Variants in JAM2 observed in about 807,000 individuals in gnomAD.
The protein encoded by JAM2 is junctional adhesion molecule 2.
A neutral mutation model predicts 42.0 loss-of-function variants in JAM2; 17 were observed. That is an observed-to-expected ratio of 0.40 (90% CI 0.28 to 0.61). The LOEUF is 0.61. Among genes scored for constraint, JAM2 ranks in the 20% least tolerant of loss-of-function variants. The probability of loss-of-function intolerance (pLI) is 0.37; values close to 1 mark genes in which losing one functional copy is unlikely to be tolerated. For synonymous variants in JAM2, 118 were observed against 128.6 expected, an observed-to-expected ratio of 0.92 and a Z score of 0.56; for missense variants, 319 against 358.3, an observed-to-expected ratio of 0.89 and a Z score of 0.89.
chr21:25,686,719 AG>A, intron 2 of JAM2, among the ~76,000 whole-genome samples: 1 of 152,328 alleles, frequency 6.6e-6, no homozygotes, highest in Admixed American at 6.5e-5. Flanking sequence ...GCTAAGTCAG[AG>A]CTATTTTGGT....
intron 1 of JAM2, among the ~76,000 whole-genome samples, chr21:25,649,880 A>G (rs1384069366): frequency 6.6e-6 from 1 of 152,218 alleles, no homozygotes; most frequent in East Asian, 1.9e-4. Context: ...CCCTCATGCT[A>G]CATTAAAGCA....
chr21:25,652,674 G>T, intron 1 of JAM2, among the ~76,000 whole-genome samples: 1 of 152,266 alleles, frequency 6.6e-6, no homozygotes, highest in Middle Eastern at 3.4e-3. Context: ...AGAAAAAAGA[G>T]ATATATGTAT....
chr21:25,710,419 G>A (rs2034359641), intron 8 of JAM2, among the ~76,000 whole-genome samples: 1 of 152,048 alleles, frequency 6.6e-6, no homozygotes, highest in Non-Finnish European at 1.5e-5. Flanking sequence ...GGGCCATTAT[G>A]GAGAAAAATA....
chr21:25,661,985 A>C (rs1057273966), intron 1 of JAM2, among the ~76,000 whole-genome samples: 2 of 152,192 alleles, frequency 1.3e-5, no homozygotes, highest in Admixed American at 1.3e-4. Flanking sequence ...GTTTCATTAA[A>C]ATCTATTTAA....
At chr21:25,665,007 C>T (rs11087970) in intron 1 of JAM2, among the ~76,000 whole-genome samples, 19,547 of 152,194 alleles carry the variant, frequency 0.13, 2,757 homozygotes, top group African/African-American at 0.35. Flanking sequence ...TCATAAAATG[C>T]TACTTAATTT....
At chr21:25,652,071 A>T (rs2032798454) in intron 1 of JAM2, among the ~76,000 whole-genome samples, 1 of 152,214 alleles carries the variant, frequency 6.6e-6, no homozygotes, top group South Asian at 2.1e-4. Flanking sequence ...TTCCCTAAAA[A>T]TGGAAAACAA....
Position 25,712,339 on chromosome 21 carries a change from G to A in JAM2, c.822-1G>A. ...TATTGTCTTTTATATTCCACAAACAGGAAGAGTAATTCTTCATCTAAAGCC... is the reference window on the plus strand; with the variant it reads ...TATTGTCTTTTATATTCCACAAACAAGAAGAGTAATTCTTCATCTAAAGCC... On this transcript the variant is annotated splice_acceptor_variant, in intron 8 of 9. Coordinates refer to ENST00000480456, the MANE Select transcript of JAM2 (RefSeq NM_021219.4). LOFTEE classifies it high-confidence loss of function. 6.3e-7 allele frequency: 1 copy of A among 1,584,162 alleles called. No individual in the cohort carries two copies. Among genetic ancestry groups the A allele is most frequent in the Non-Finnish European group, 8.7e-7 (1 of 1,153,894 alleles).
intron 4 of JAM2, among the ~76,000 whole-genome samples, chr21:25,696,673 C>A (rs2034043345): frequency 6.6e-6 from 1 of 152,052 alleles, no homozygotes; most frequent in Non-Finnish European, 1.5e-5. Flanking sequence ...CATCCACAGG[C>A]TACGAGGAAA....
At chr21:25,670,192 A>T (rs1421972973) in intron 1 of JAM2, among the ~76,000 whole-genome samples, 1 of 152,154 alleles carries the variant, frequency 6.6e-6, no homozygotes, top group Non-Finnish European at 1.5e-5. Flanking sequence ...AGTTTCAAAA[A>T]TTTGACCTTG....
intron 1 of JAM2, among the ~76,000 whole-genome samples, chr21:25,655,195 A>G (rs1483054488): frequency 2.0e-5 from 3 of 152,108 alleles, no homozygotes; most frequent in Non-Finnish European, 4.4e-5. Flanking sequence ...TAAACATGAT[A>G]AAATCTTTAT....
intron 1 of JAM2, chr21:25,643,940 G>A (rs1432118775): frequency 6.6e-6 from 1 of 152,148 alleles, no homozygotes; most frequent in Non-Finnish European, 1.5e-5. Context: ...AGAGGTAAGA[G>A]CTGCTAGCTT....
At chr21:25,707,540 G>C (rs73335976) in intron 7 of JAM2, among the ~76,000 whole-genome samples, 1,997 of 152,300 alleles carry the variant, frequency 0.013, 49 homozygotes, top group African/African-American at 0.045. Context: ...TTGTATTTAT[G>C]AGAGCTACTT....
chr21:25,675,163 A>G (rs2033453982), intron 1 of JAM2, among the ~76,000 whole-genome samples: 1 of 152,084 alleles, frequency 6.6e-6, no homozygotes, highest in African/African-American at 2.4e-5. Flanking sequence ...GGCATCTCAC[A>G]TGGTGTGAGC....
chr21:25,660,878 T>C (rs1259756455), intron 1 of JAM2, among the ~76,000 whole-genome samples: 1 of 129,674 alleles, frequency 7.7e-6, no homozygotes, highest in Non-Finnish European at 1.6e-5. Flanking sequence ...CACTGCAACC[T>C]CCACCTCCTG....
At chr21:25,640,021 G>A (rs1817891007) in intron 1 of JAM2, 133 bp downstream of exon 1, 5 of 576,462 alleles carry the variant, frequency 8.7e-6, no homozygotes, top group Non-Finnish European at 1.4e-5. Flanking sequence ...CTGACCTTGC[G>A]CCCAGGCGAG....
In JAM2 at chr21:25,677,115, A is replaced by G. The variant is rs945090678; in HGVS notation, c.68-6768A>G. 1.4e-4 allele frequency among the ~76,000 whole-genome samples: 21 copies of G among 152,180 alleles called. 1 individual carries two copies. Among genetic ancestry groups the G allele is most frequent in the Non-Finnish European group, 2.8e-4 (19 of 68,034 alleles). Reference sequence around the variant, plus strand: ...TACAATGTATGTTTGGATGACGGCTACACTAAAAGCCCAGACTTCACCACT... The same window carrying G: ...TACAATGTATGTTTGGATGACGGCTGCACTAAAAGCCCAGACTTCACCACT... On this transcript the variant is annotated intron_variant, in intron 1 of 9. Coordinates refer to ENST00000480456, the MANE Select transcript of JAM2 (RefSeq NM_021219.4).
At chr21:25,675,003 G>A (rs2033448844) in intron 1 of JAM2, among the ~76,000 whole-genome samples, 2 of 152,034 alleles carry the variant, frequency 1.3e-5, no homozygotes, top group Admixed American at 1.3e-4. Flanking sequence ...ACCTGAAACT[G>A]TGTAATTTAT....
At chr21:25,711,739 T>TGG (rs34800796) in intron 8 of JAM2, among the ~76,000 whole-genome samples, 17,025 of 152,082 alleles carry the variant, frequency 0.11, 1,086 homozygotes, top group East Asian at 0.3. Context: ...GAAAAGTAAT[T>TGG]GGAAGGTTTT....
chr21:25,673,167 C>T (rs1465309614), intron 1 of JAM2, among the ~76,000 whole-genome samples: 3 of 152,150 alleles, frequency 2.0e-5, no homozygotes, highest in African/African-American at 7.2e-5. Context: ...TTTCCTGTAC[C>T]ACTGGCTACC....
Sources: allele counts gnomAD v4.1 joint callset (sites outside exome capture counted in the v4.1 genomes callset), GRCh38; gene constraint gnomAD v4.1.1; transcripts MANE v1.5; gene names NCBI Gene and HGNC (gene_info 2026-07-23, HGNC 2026-07-21).